The following PTP4A1 variants were observed in gnomAD, a reference collection of about 807,000 sequenced individuals.
The protein encoded by PTP4A1 is protein tyrosine phosphatase 4A1.
In PTP4A1, 9 loss-of-function variants were observed where a neutral mutation model predicts 20.5. The observed-to-expected ratio is 0.44, with a 90% confidence interval of 0.26 to 0.77. The LOEUF is 0.77. PTP4A1 is among the 30% of genes least tolerant of loss of function. The probability of loss-of-function intolerance (pLI) is 0.19; values close to 1 mark genes in which losing one functional copy is unlikely to be tolerated. For missense variants in PTP4A1, 137 were observed against 218.8 expected (o/e 0.63, Z 2.36); for synonymous variants, 78 against 67.4 (o/e 1.16, Z -0.77).
chr6:63,577,485 CAT>C (rs1201565408), intron 2 of PTP4A1, among the ~76,000 whole-genome samples: 10 of 152,284 alleles, frequency 6.6e-5, no homozygotes, highest in East Asian at 1.9e-4. Context: ...GGGATGTGCA[CAT>C]GTTTTATTTT....
upstream of PTP4A1, among the ~76,000 whole-genome samples, chr6:63,567,730 T>C (rs1777249828): frequency 6.6e-6 from 1 of 152,232 alleles, no homozygotes; most frequent in Non-Finnish European, 1.5e-5. Flanking sequence ...TTGACTTCTA[T>C]AGCTATGAAA....
intron 2 of PTP4A1, chr6:63,549,015 T>C: frequency 1.4e-6 from 1 of 727,966 alleles, no homozygotes; most frequent in Middle Eastern, 3.6e-4. Context: ...GACAACCAGC[T>C]CGATGGGATC....
intron 2 of PTP4A1, chr6:63,549,440 C>T: frequency 2.6e-6 from 2 of 771,454 alleles, no homozygotes; most frequent in Non-Finnish European, 4.6e-6. Flanking sequence ...ACTTTCTTAA[C>T]CTCCTGCTTC....
chr6:63,549,430 A>AC, intron 2 of PTP4A1: 1 of 753,630 alleles, frequency 1.3e-6, no homozygotes, highest in Non-Finnish European at 2.4e-6. Flanking sequence ...GGGATTCACC[A>AC]CTTTCTTAAC....
In PTP4A1 at chr6:63,580,308, C is replaced by T. The variant is rs1057247916; in HGVS notation, c.*134C>T. 2.8e-5 allele frequency: 20 copies of T among 726,968 alleles called. No homozygotes were observed. In the African/African-American group the frequency reaches 3.5e-4, roughly 13 times the overall value. The allele number at this position is 726,968 out of a possible 1,614,324, so 45.0% of individuals were successfully genotyped here. On this transcript the variant is annotated 3_prime_UTR_variant, in exon 6 of 6. Coordinates refer to ENST00000626021, the MANE Select transcript of PTP4A1 (RefSeq NM_003463.5). ...GTATTGAAAGGCAGTTTTACCAGGC[C>T]TCAAGCTAGACAGATTTGGCAACCT...
At chr6:63,564,455 T>C (rs552555499) in intron 3 of PTP4A1, among the ~76,000 whole-genome samples, 4 of 152,284 alleles carry the variant, frequency 2.6e-5, no homozygotes, top group African/African-American at 9.6e-5. Context: ...GTTGTAGCTT[T>C]TGTTAAATAA....
chr6:63,572,674 C>T lies in PTP4A1; in HGVS notation c.-491C>T, dbSNP rs557295555. ...GCCTGTGTCGCCGCCGCCTCGGGACCGGCTGTATGATTAGGCCACAATCTT... is the reference window on the plus strand; with the variant it reads ...GCCTGTGTCGCCGCCGCCTCGGGACTGGCTGTATGATTAGGCCACAATCTT... On this transcript the variant is annotated 5_prime_UTR_variant, in exon 1 of 6. Transcript: ENST00000626021. 1.2e-5 allele frequency: 5 copies of T among 409,604 alleles called. No homozygotes were observed. The South Asian group carries it at 5.5e-4, about 45-fold the overall frequency. The allele number at this position is 409,604 out of a possible 1,614,324, so 25.4% of individuals were successfully genotyped here.
intron 3 of PTP4A1, among the ~76,000 whole-genome samples, chr6:63,555,823 A>T (rs1283416146): frequency 6.6e-6 from 1 of 151,208 alleles, no homozygotes; most frequent in African/African-American, 2.4e-5. Context: ...TCTCCCAAGT[A>T]GCTGGAATTA....
intron 2 of PTP4A1, among the ~76,000 whole-genome samples, chr6:63,577,785 C>T (rs1777964232): frequency 6.6e-6 from 1 of 151,758 alleles, no homozygotes; most frequent in Admixed American, 6.6e-5. Context: ...CTCCTGACCT[C>T]AGGTGAGCCA....
At chr6:63,547,135 C>T (rs549763559) in intron 2 of PTP4A1, among the ~76,000 whole-genome samples, 5 of 151,722 alleles carry the variant, frequency 3.3e-5, no homozygotes, top group African/African-American at 1.2e-4. Context: ...ATTAATCACT[C>T]TCAAGAGAAT....
chr6:63,558,840 A>G (rs1330232365), intron 3 of PTP4A1, among the ~76,000 whole-genome samples: 2 of 152,230 alleles, frequency 1.3e-5, no homozygotes, highest in Non-Finnish European at 2.9e-5. Context: ...CCCCCATAAG[A>G]GAGTTTCAAG....
chr6:63,554,521 G>A (rs1159833556), intron 3 of PTP4A1, among the ~76,000 whole-genome samples: 1 of 152,148 alleles, frequency 6.6e-6, no homozygotes, highest in Non-Finnish European at 1.5e-5. Context: ...ATTTAGGCCG[G>A]GCACGGTGGC....
upstream of PTP4A1, among the ~76,000 whole-genome samples, chr6:63,520,520 G>A (rs1341941108): frequency 5.3e-5 from 8 of 151,846 alleles, no homozygotes; most frequent in East Asian, 1.9e-4. Context: ...CCAGCTACTC[G>A]GGAGGCTGAG....
intron 2 of PTP4A1, among the ~76,000 whole-genome samples, chr6:63,533,358 G>A (rs1775559526): frequency 6.6e-6 from 1 of 151,992 alleles, no homozygotes; most frequent in African/African-American, 2.4e-5. Context: ...CTTCAGCCTG[G>A]GCCACAGAGC....
rs944619170 is a variant in PTP4A1, at chr6:63,581,477, ATTAAC to A, written c.*1307_*1311del. The A allele has an allele frequency of 2.6e-5, 4 of 152,608 alleles. No homozygotes were observed. The highest frequency in any genetic ancestry group is 4.8e-5 in the African/African-American group (2 of 41,466). The allele number at this position is 152,608 out of a possible 1,614,324, so 9.5% of individuals were successfully genotyped here. On this transcript the variant is annotated 3_prime_UTR_variant, in exon 6 of 6. Coordinates refer to ENST00000626021, the MANE Select transcript of PTP4A1 (RefSeq NM_003463.5). Reference sequence around the variant, plus strand: ...CATCATTGAGATTGGTTTGCTTAAAATTAACTTATTTTGTAGAAGACAAAATGAAT... The same window carrying A: ...CATCATTGAGATTGGTTTGCTTAAAATTATTTTGTAGAAGACAAAATGAAT...
intron 2 of PTP4A1, among the ~76,000 whole-genome samples, chr6:63,529,699 G>T (rs894691953): frequency 2.6e-5 from 4 of 152,288 alleles, no homozygotes; most frequent in African/African-American, 7.2e-5. Context: ...TGTGAACCAA[G>T]GGTGGAGGAA....
chr6:63,554,320 T>C (rs1003428112), intron 3 of PTP4A1, among the ~76,000 whole-genome samples: 4 of 152,366 alleles, frequency 2.6e-5, no homozygotes, highest in Admixed American at 1.3e-4. Flanking sequence ...TCTTTTATCA[T>C]AATACTGGGA....
intron 1 of PTP4A1, among the ~76,000 whole-genome samples, chr6:63,526,050 C>T (rs1313878553): frequency 2.0e-5 from 3 of 152,162 alleles, no homozygotes; most frequent in East Asian, 3.9e-4. Context: ...CTAGGCCAGG[C>T]GCAGTGGCTC....
Position 63,526,803 on chromosome 6 carries a change from G to GTATATATATATATA in PTP4A1, c.-905-996_-905-983dup, listed in dbSNP as rs376671990. ...CAGAGCAAGACTCTATCTCAAAAAT[G>GTATATATATATATA]TATATATATATATATATATATATAT... On this transcript the variant is annotated intron_variant, in intron 1 of 3. Coordinates refer to the PTP4A1 transcript ENST00000639568. 3.8e-3 allele frequency among the ~76,000 whole-genome samples: 381 copies of GTATATATATATATA among 101,368 alleles called. 5 individuals are homozygous for GTATATATATATATA. Among genetic ancestry groups the GTATATATATATATA allele is most frequent in the African/African-American group, 7.3e-3 (168 of 22,944 alleles). 66.5% of individuals were successfully genotyped at this position (101,368 alleles called of 152,430 possible). A position where few individuals can be genotyped will look rare whatever the true frequency, so the allele number is the denominator to read the frequency against.
Sources: gnomAD v4.1 joint callset for allele counts (sites outside exome capture counted in the v4.1 genomes callset) on GRCh38, gnomAD v4.1.1 for gene constraint, MANE v1.5 for transcripts, NCBI Gene and HGNC (gene_info 2026-07-23, HGNC 2026-07-21) for gene names.